The following BECN1 variants were observed in gnomAD, a reference collection of about 807,000 sequenced individuals.
The protein encoded by BECN1 is beclin 1.
BECN1 carries 15 observed loss-of-function variants against 60.1 expected under a neutral mutation model. The ratio of observed to expected loss-of-function variants is 0.25; its 90% confidence interval spans 0.17 to 0.38. The LOEUF (loss-of-function observed/expected upper bound fraction) is 0.38. Among genes scored for constraint, BECN1 ranks in the 10% least tolerant of loss-of-function variants. The pLI is 1.00. For missense variants in BECN1, 424 were observed against 548.2 expected (o/e 0.77, Z 2.26); for synonymous variants, 179 against 201.8 (o/e 0.89, Z 0.96).
chr17:42,820,669 C>A (rs866462003), intron 3 of BECN1, 105 bp downstream of exon 3: 1 of 1,197,238 alleles, frequency 8.4e-7, no homozygotes, highest in Middle Eastern at 2.2e-4. Flanking sequence ...CTAGAAGCGC[C>A]AAGTAGCCTG....
In BECN1 at chr17:42,823,789, C is replaced by G; in HGVS notation, c.89G>C (p.Ser30Thr). ...GGTGACACGGTCCAGGATCTTGAAA[C>G]TCGTGTCCAGTTTCAGGGGCTGGCT... is the stretch of plus-strand genomic sequence containing the variant. ...RCSQPLKLDT[S>T]FKILDRVTIQ... The change falls in exon 2 of 12, where the codon AGT becomes ACT. Residue 30 changes from serine (S) to threonine (T), a missense_variant. Ser to Thr is a moderately conservative substitution (Grantham distance 58, BLOSUM62 1). Coordinates refer to ENST00000590099, the MANE Select transcript of BECN1 (RefSeq NM_001313998.2). 1 of 1,614,170 alleles carries G rather than the reference C, an allele frequency of 6.2e-7. No homozygotes were observed. Among genetic ancestry groups the G allele is most frequent in the Non-Finnish European group, 8.5e-7 (1 of 1,180,018 alleles).
rs2054971658 is a variant in BECN1, at chr17:42,810,473, AAAAAG to A, written c.*282_*286del. ...TCAATCTCAATTCAACTCAGTTAAA[AAAAAG>A]AAAAGCAAATTTAAATTAGTTTTTT... On this transcript the variant is annotated 3_prime_UTR_variant, in exon 12 of 12. Coordinates refer to ENST00000590099, the MANE Select transcript of BECN1 (RefSeq NM_001313998.2). 9.1e-6 allele frequency: 2 copies of A among 218,788 alleles called. No individual in the cohort carries two copies. The highest frequency in any genetic ancestry group is 3.1e-4 in the South Asian group (2 of 6,460). 13.6% of individuals were successfully genotyped at this position (218,788 alleles called of 1,614,324 possible).
In BECN1 at chr17:42,814,653, G is replaced by A; in HGVS notation, c.851C>T (p.Thr284Ile). The A allele has an allele frequency of 6.2e-7, 1 of 1,614,168 alleles. No individual in the cohort carries two copies. The highest frequency in any genetic ancestry group is 8.5e-7 in the Non-Finnish European group (1 of 1,180,034). ...FHIWHSGQFG[T>I]INNFRLGRLP... ...GCGACCCAGCCTGAAGTTATTGATTGTGCCAAACTGTCCACTGTGCCTACA... is the reference window on the plus strand; with the variant it reads ...GCGACCCAGCCTGAAGTTATTGATTATGCCAAACTGTCCACTGTGCCTACA... The change falls in exon 9 of 12, where the codon ACA becomes ATA. Residue 284 changes from threonine (T) to isoleucine (I), a missense_variant. Physicochemically the swap from Thr to Ile is moderately conservative, Grantham distance 89. Around this residue, in one of 3 missense-constraint regions of BECN1, gnomAD observed 326 missense variants for 406.2 expected, o/e 0.80. Transcript: ENST00000590099.
Position 42,823,861 on chromosome 17 carries a change from G to A in BECN1, c.17C>T (p.Thr6Met). 1.2e-6 allele frequency: 2 copies of A among 1,614,000 alleles called. No homozygotes were observed. Residue 6 changes from threonine (T) to methionine (M), a missense_variant, in exon 2 of 12, where the codon ACG becomes ATG. By Grantham distance (81) the Thr-to-Met change is moderately conservative. Transcript: ENST00000590099. Reference protein sequence around the residue: MEGSKTSNNSTMQVSF... With the variant: MEGSKMSNNSTMQVSF... ...CACCTGCATGGTGCTGTTGTTGGACGTCTTAGACCCTTCCATCCCTGAGGC... is the reference window on the plus strand; with the variant it reads ...CACCTGCATGGTGCTGTTGTTGGACATCTTAGACCCTTCCATCCCTGAGGC...
At chr17:42,817,121 T>A (rs1230873373) in intron 7 of BECN1, among the ~76,000 whole-genome samples, 1 of 151,230 alleles carries the variant, frequency 6.6e-6, no homozygotes, top group African/African-American at 2.4e-5. Context: ...ATGGGGAAAC[T>A]CCATCTCTAT....
intron 2 of BECN1, among the ~76,000 whole-genome samples, chr17:42,823,358 G>A (rs1394889865): frequency 1.3e-5 from 2 of 152,108 alleles, no homozygotes; most frequent in Admixed American, 1.3e-4. Flanking sequence ...CGGTTCAAGC[G>A]ATTCTCCTGC....
intron 11 of BECN1, 146 bp from the exon 12 acceptor site, chr17:42,811,074 T>C: frequency 1.2e-6 from 1 of 845,334 alleles, no homozygotes; most frequent in Non-Finnish European, 1.7e-6. Flanking sequence ...TGGATTTGCT[T>C]GAAAGCCAAA....
chr17:42,814,418 G>C (rs1343345276), intron 9 of BECN1, 106 bp downstream of exon 9: 4 of 1,479,384 alleles, frequency 2.7e-6, no homozygotes, highest in Non-Finnish European at 3.7e-6. Flanking sequence ...AAAACTCCCA[G>C]TCTGTGGGCA....
chr17:42,820,930 C>T (rs2055250434), intron 2 of BECN1, 89 bp from the exon 3 acceptor site: 7 of 1,153,400 alleles, frequency 6.1e-6, no homozygotes, highest in Non-Finnish European at 8.9e-6. Flanking sequence ...GAAATATTCT[C>T]ATCACCACCC....
At position 42,823,796 on chromosome 17, in the gene BECN1, CCA is replaced by C; in HGVS notation, c.80_81del (p.Leu27ArgfsTer36). ...VCQRCSQPLK[L>X]DTSFKILDRV... ...CGGTCCAGGATCTTGAAACTCGTGT[CCA>C]GTTTCAGGGGCTGGCTGCAGCGCTG... On this transcript the variant is annotated frameshift_variant, in exon 2 of 12. Transcript: ENST00000590099. LOFTEE classifies it high-confidence loss of function. 6.2e-7 allele frequency: 1 copy of C among 1,614,084 alleles called. No individual in the cohort carries two copies. Among genetic ancestry groups the C allele is most frequent in the Non-Finnish European group, 8.5e-7 (1 of 1,180,008 alleles).
intron 2 of BECN1, among the ~76,000 whole-genome samples, chr17:42,822,786 T>C (rs1341945803): frequency 6.6e-6 from 1 of 152,088 alleles, no homozygotes; most frequent in African/African-American, 2.4e-5. Context: ...TCCTGCAGCT[T>C]TGACCTCCTG....
chr17:42,819,395 G>A (rs190380254), intron 4 of BECN1, 153 bp downstream of exon 4: 395 of 714,108 alleles, frequency 5.5e-4, no homozygotes, highest in South Asian at 9.6e-4. Flanking sequence ...GGAAGGTGAC[G>A]GGCCAGGTAT....
chr17:42,822,155 A>G (rs988552109), intron 2 of BECN1, among the ~76,000 whole-genome samples: 3 of 152,218 alleles, frequency 2.0e-5, no homozygotes, highest in Admixed American at 2.0e-4. Flanking sequence ...GTGAGCCGAG[A>G]TCGCGCCACT....
Position 42,824,159 on chromosome 17 carries a change from G to A in BECN1, c.-7C>T. On this transcript the variant is annotated 5_prime_UTR_variant, in exon 1 of 12. Transcript: ENST00000590099. Reference sequence around the variant, plus strand: ...TCAGCCCCCGATGCTCTTCACCTCGGGAGCCCGGAGCCCGTCACCCAAGTC... The same window carrying A: ...TCAGCCCCCGATGCTCTTCACCTCGAGAGCCCGGAGCCCGTCACCCAAGTC... The A allele has an allele frequency of 4.6e-6, 2 of 434,366 alleles. No homozygotes were observed. Among genetic ancestry groups the A allele is most frequent in the Non-Finnish European group, 8.2e-6 (2 of 244,982 alleles). The allele number at this position is 434,366 out of a possible 1,614,324, so 26.9% of individuals were successfully genotyped here. A position where few individuals can be genotyped will look rare whatever the true frequency, so the allele number is the denominator to read the frequency against.
chr17:42,818,820 GC>G lies in BECN1; in HGVS notation c.317del (p.Gly106AlafsTer11). On this transcript the variant is annotated frameshift_variant, in exon 5 of 12. Transcript: ENST00000590099. LOFTEE classifies it high-confidence loss of function. ...SFTLIGEASD[G>X]GTMENLSRRL... is the part of the protein sequence containing the mutation. ...TTCGGCTGAGGTTCTCCATGGTGCC[GC>G]CATCAGATGCCTCCCCAATCAGAGT... The G allele has an allele frequency of 6.2e-7, 1 of 1,614,092 alleles. No homozygotes were observed. The highest frequency in any genetic ancestry group is 8.5e-7 in the Non-Finnish European group (1 of 1,180,026).
intron 8 of BECN1, 84 bp from the exon 9 acceptor site, chr17:42,814,757 C>A: frequency 1.3e-6 from 2 of 1,533,260 alleles, no homozygotes; most frequent in South Asian, 1.2e-5. Flanking sequence ...CCAAACCTAG[C>A]TTAAATCTAT....
intron 10 of BECN1, chr17:42,812,092 A>G (rs2055024812): frequency 3.3e-6 from 1 of 303,340 alleles, no homozygotes; most frequent in South Asian, 6.6e-5. Context: ...GAAAAGAAAA[A>G]TAAATAAATA....
chr17:42,816,422 CG>C (rs1032241924), intron 7 of BECN1, among the ~76,000 whole-genome samples: 1 of 146,066 alleles, frequency 6.8e-6, no homozygotes, highest in African/African-American at 2.5e-5. Flanking sequence ...GAGGCCAAGA[CG>C]GGTGGATAAC....
chr17:42,814,852 G>T, intron 8 of BECN1, 179 bp from the exon 9 acceptor site: 1 of 775,506 alleles, frequency 1.3e-6, no homozygotes, highest in Non-Finnish European at 2.0e-6. Flanking sequence ...CTGCTGCTCA[G>T]ATGCCAAAGC....
Sources: allele counts gnomAD v4.1 joint callset (sites outside exome capture counted in the v4.1 genomes callset), GRCh38; gene constraint gnomAD v4.1.1; regional missense constraint gnomAD v4.1.1; transcripts MANE v1.5; gene names NCBI Gene and HGNC (gene_info 2026-07-23, HGNC 2026-07-21).